RYR3: variants seen among roughly 807,000 people sequenced by gnomAD.
The protein encoded by RYR3 is ryanodine receptor 3.
In RYR3, 207 loss-of-function variants were observed where a neutral mutation model predicts 584.3. The ratio of observed to expected loss-of-function variants is 0.35; its 90% CI spans 0.32 to 0.40. The LOEUF (loss-of-function observed/expected upper bound fraction) is 0.40. RYR3 is among the 10% of genes least tolerant of loss of function. The probability of loss-of-function intolerance (pLI) is 1.00; values close to 1 mark genes in which losing one functional copy is unlikely to be tolerated. For missense variants in RYR3, 5,616 were observed against 6,089.2 expected (o/e 0.92, Z 2.59); for synonymous variants, 2,416 against 2,248.5 (o/e 1.07, Z -2.11).
chr15:33,380,249 A>G (rs1218104009), intron 1 of RYR3, among the ~76,000 whole-genome samples: 1 of 152,114 alleles, frequency 6.6e-6, no homozygotes, highest in Non-Finnish European at 1.5e-5. Context: ...TCCGATTTCT[A>G]AATTGGTAAC....
chr15:33,471,775 G>C (rs2048954305), intron 1 of RYR3, among the ~76,000 whole-genome samples: 1 of 152,132 alleles, frequency 6.6e-6, no homozygotes, highest in African/African-American at 2.4e-5. Flanking sequence ...GGTGTGAAAG[G>C]TAAGTTTTGA....
chr15:33,794,673 C>A (rs971661518), intron 67 of RYR3, among the ~76,000 whole-genome samples: 3 of 152,080 alleles, frequency 2.0e-5, no homozygotes, highest in African/African-American at 7.2e-5. Context: ...ATCATTAATT[C>A]ATTCATCCCC....
intron 19 of RYR3, among the ~76,000 whole-genome samples, chr15:33,614,244 G>A (rs61121099): frequency 6.6e-6 from 1 of 152,068 alleles, no homozygotes; most frequent in Admixed American, 6.5e-5. Flanking sequence ...TAACTGCAGA[G>A]ATATTAATGT....
At chr15:33,389,278 C>G (rs2041838809) in intron 1 of RYR3, among the ~76,000 whole-genome samples, 1 of 151,858 alleles carries the variant, frequency 6.6e-6, no homozygotes, top group African/African-American at 2.4e-5. Flanking sequence ...TAAGTAATTA[C>G]AAAGGAAACC....
chr15:33,821,615 T>C lies in RYR3; in HGVS notation c.10995+13T>C. The C allele has an allele frequency of 6.2e-7, 1 of 1,613,286 alleles. No individual in the cohort carries two copies. The highest frequency in any genetic ancestry group is 1.1e-5 in the South Asian group (1 of 91,056). ...TGGTGTGCAACAGGTAACGGGAACT[T>C]GCAGCGGCTGGGCAGGCTCCCGGGG... On this transcript the variant is annotated intron_variant, in intron 80 of 103. Transcript: ENST00000634891.
intron 1 of RYR3, among the ~76,000 whole-genome samples, chr15:33,400,581 CT>C (rs1266925146): frequency 1.3e-5 from 2 of 152,006 alleles, no homozygotes; most frequent in East Asian, 3.9e-4. Context: ...TTCGTGGAGA[CT>C]TTCTTCCTTC....
intron 8 of RYR3, among the ~76,000 whole-genome samples, chr15:33,547,536 A>G (rs1294479355): frequency 1.3e-5 from 2 of 152,188 alleles, no homozygotes; most frequent in African/African-American, 2.4e-5. Context: ...CTGTTTGATA[A>G]ACCTAACATT....
In RYR3 at chr15:33,311,153, G is replaced by A. The variant is rs1007489769; in HGVS notation, c.51+57G>A. 3.7e-6 allele frequency: 5 copies of A among 1,356,354 alleles called. No individual in the cohort carries two copies. The highest frequency in any genetic ancestry group is 2.2e-5 in the Admixed American group (1 of 44,626). The allele number at this position is 1,356,354 out of a possible 1,614,324, so 84.0% of individuals were successfully genotyped here. The stretch of plus-strand genomic sequence containing the variant: ...GCAGGTGGGGAGGAGCGCGGAGCGC[G>A]GCGAGGAGGGGCTGGCTGCGCTGCG... On this transcript the variant is annotated intron_variant, in intron 1 of 103. Transcript: ENST00000634891. This position sits in a 1 kb window ranked among gnomAD's most constrained non-coding sequence, Gnocchi z 4.4.
intron 1 of RYR3, among the ~76,000 whole-genome samples, chr15:33,334,150 T>C (rs1595747204): frequency 1.3e-5 from 2 of 152,276 alleles, no homozygotes; most frequent in South Asian, 2.1e-4. Flanking sequence ...TAAACTACCA[T>C]TGACATTCTT....
chr15:33,767,214 G>A (rs1030683705), intron 60 of RYR3, among the ~76,000 whole-genome samples: 5 of 152,036 alleles, frequency 3.3e-5, no homozygotes, highest in African/African-American at 7.3e-5. Context: ...CAGTTAAGGG[G>A]CTTCCCCAAG....
intron 1 of RYR3, among the ~76,000 whole-genome samples, chr15:33,448,680 T>C (rs1251542303): frequency 3.9e-5 from 6 of 152,208 alleles, no homozygotes; most frequent in African/African-American, 1.4e-4. Flanking sequence ...TTAATCTGTA[T>C]TTTCACTATT....
intron 98 of RYR3, 100 bp from the exon 99 acceptor site, chr15:33,857,680 C>A: frequency 6.8e-6 from 10 of 1,467,994 alleles, no homozygotes; most frequent in Non-Finnish European, 9.3e-6. Flanking sequence ...TCTCCTTGCC[C>A]GTCCTCACTC....
intron 1 of RYR3, among the ~76,000 whole-genome samples, chr15:33,459,865 A>T (rs1233239549): frequency 6.6e-6 from 1 of 152,236 alleles, no homozygotes; most frequent in East Asian, 1.9e-4. Context: ...ATTGCAAGTG[A>T]GGATTCAAAG....
rs1596518868 is a variant in RYR3, at chr15:33,772,034, C to G, written c.8931C>G (p.Thr2977=). ...TSENLKLGKF[T]HSRTQIKGVS... ...AAAACCTGAAACTTGGGAAGTTCAC[C>G]CATTCCCGAACGCAGATTAAAGGCG... The change falls in exon 63 of 104, where the codon ACC becomes ACG. Residue 2977 remains threonine (T), a synonymous_variant. Coordinates refer to ENST00000634891, the MANE Select transcript of RYR3 (RefSeq NM_001036.6). 6.2e-7 allele frequency: 1 copy of G among 1,613,514 alleles called. No individual in the cohort carries two copies. The highest frequency in any genetic ancestry group is 8.5e-7 in the Non-Finnish European group (1 of 1,179,606).
At chr15:33,739,453 C>T (rs2069843413) in intron 50 of RYR3, among the ~76,000 whole-genome samples, 1 of 151,932 alleles carries the variant, frequency 6.6e-6, no homozygotes, top group South Asian at 2.1e-4. Context: ...CTTACTGTGC[C>T]CTCTCCAGTT....
chr15:33,855,613 GC>G, intron 98 of RYR3, among the ~76,000 whole-genome samples: 1 of 1,128 alleles, frequency 8.9e-4, no homozygotes, highest in Non-Finnish European at 3.4e-3. Flanking sequence ...TCTGATATCT[GC>G]ATCCAATTAA....
Position 33,613,343 on chromosome 15 carries a change from C to T in RYR3, c.2325C>T (p.Phe775=). Residue 775 remains phenylalanine, a synonymous_variant, in exon 19 of 104, where the codon TTC becomes TTT. Transcript: ENST00000634891. ...MFENFNTDGL[F]FPVMSFSAGV... ...AGAACTTCAACACAGACGGGCTCTT[C>T]TTCCCTGTGATGAGCTTTTCAGCAG... The T allele has an allele frequency of 3.1e-6, 5 of 1,611,784 alleles. No individual in the cohort carries two copies. Among genetic ancestry groups the T allele is most frequent in the Non-Finnish European group, 4.2e-6 (5 of 1,178,606 alleles).
intron 64 of RYR3, among the ~76,000 whole-genome samples, chr15:33,779,379 T>G (rs1445333708): frequency 6.6e-6 from 1 of 152,160 alleles, no homozygotes; most frequent in East Asian, 1.9e-4. Flanking sequence ...GTCAACTATT[T>G]GTACAAAAGA....
chr15:33,482,163 A>T lies in RYR3; in HGVS notation c.171+8625A>T, dbSNP rs188176197. ...AACTCTCCAAGCTTCTTTTTCACTG[A>T]GAATGTCTTTATTTTGTCCCTGTTT... On this transcript the variant is annotated intron_variant, in intron 2 of 103. Transcript: ENST00000634891. 2.4e-3 allele frequency among the ~76,000 whole-genome samples: 361 copies of T among 152,070 alleles called. 2 individuals are homozygous for T. The highest frequency in any genetic ancestry group is 0.01 in the Middle Eastern group (3 of 294).
Sources: gnomAD v4.1 joint callset for allele counts (sites outside exome capture counted in the v4.1 genomes callset) on GRCh38, gnomAD v4.1.1 for gene constraint, Gnocchi (gnomAD v3.1) non-coding constraint, MANE v1.5 for transcripts, NCBI Gene and HGNC (gene_info 2026-07-23, HGNC 2026-07-21) for gene names.